TOMM7: variants seen among roughly 807,000 people sequenced by gnomAD.
TOMM7 encodes translocase of outer mitochondrial membrane 7, also known as mitochondrial import receptor subunit TOM7 homolog.
A neutral mutation model predicts 9.5 loss-of-function variants in TOMM7; 8 were observed. The observed-to-expected ratio is 0.84, with a 90% CI of 0.49 to 1.51. TOMM7 has a LOEUF of 1.51. Among genes scored for constraint, TOMM7 ranks in the 40% most tolerant of loss-of-function variants. The pLI is 0.00. For synonymous variants in TOMM7, 27 were observed against 21.4 expected (o/e 1.26, Z -0.72); for missense variants, 74 against 63.7 (o/e 1.16, Z -0.55).
rs752811909 is a variant in TOMM7 at position 22,817,411 on chromosome 7, C to CT, written c.152+588dup. 4.5e-3 allele frequency: 681 copies of CT among 151,442 alleles called. 1 individual carries two copies. Among genetic ancestry groups the CT allele is most frequent in the South Asian group, 0.016 (96 of 5,992 alleles). 9.4% of individuals were successfully genotyped at this position (151,442 alleles called of 1,614,324 possible). A position where few individuals can be genotyped will look rare whatever the true frequency, so the allele number is the denominator to read the frequency against. On this transcript the variant is annotated intron_variant, in intron 2 of 2. Transcript: ENST00000358435. Reference sequence around the variant, plus strand: ...TGTACACACAAATGTTAATTATTTACTTTTTTTTTTTTGGTAGAGATGGGT... The same window carrying CT: ...TGTACACACAAATGTTAATTATTTACTTTTTTTTTTTTTGGTAGAGATGGGT...
At chr7:22,820,057 C>T (rs1782367027) in intron 1 of TOMM7, among the ~76,000 whole-genome samples, 1 of 152,172 alleles carries the variant, frequency 6.6e-6, no homozygotes, top group Non-Finnish European at 1.5e-5. Context: ...AACCTGGAGC[C>T]AGGTGTGGTG....
intron 1 of TOMM7, chr7:22,822,107 AG>A: frequency 6.5e-7 from 1 of 1,545,786 alleles, no homozygotes; most frequent in Non-Finnish European, 8.7e-7. Flanking sequence ...CAGTCAGCAT[AG>A]CTGTGCGACC....
At chr7:22,814,133 G>A (rs973737700) in intron 2 of TOMM7, among the ~76,000 whole-genome samples, 3 of 145,542 alleles carry the variant, frequency 2.1e-5, no homozygotes, top group Admixed American at 6.9e-5. Flanking sequence ...CCACGAGTTC[G>A]AAACCAGCCT....
chr7:22,822,583 AT>A, intron 1 of TOMM7, 93 bp downstream of exon 1: 2 of 1,124,570 alleles, frequency 1.8e-6, no homozygotes, highest in Non-Finnish European at 2.7e-6. Context: ...AGTGTCCCCT[AT>A]TTTTCTCTCC....
intron 2 of TOMM7, 99 bp from the exon 3 acceptor site, chr7:22,813,284 T>C: frequency 2.9e-6 from 3 of 1,043,520 alleles, no homozygotes; most frequent in East Asian, 4.8e-5. Context: ...TTATGTTTGT[T>C]TCCTCATCTA....
intron 1 of TOMM7, chr7:22,822,028 C>A: frequency 8.6e-7 from 1 of 1,167,882 alleles, no homozygotes; most frequent in Non-Finnish European, 1.2e-6. Flanking sequence ...AACCCCAAAT[C>A]CTTTAAGTGC....
intron 1 of TOMM7, among the ~76,000 whole-genome samples, chr7:22,818,842 G>T (rs1782349593): frequency 1.3e-5 from 2 of 150,586 alleles, no homozygotes; most frequent in South Asian, 2.1e-4. Context: ...TGAACTCCTG[G>T]GCTCAAGTGA....
In TOMM7 at chr7:22,822,789, C is replaced by A; in HGVS notation, c.-10G>T. 1.2e-6 allele frequency: 2 copies of A among 1,612,902 alleles called. No individual in the cohort carries two copies. The highest frequency in any genetic ancestry group is 1.6e-4 in the Middle Eastern group (1 of 6,062). ...TGCTCAGCTTCACCATGGCGACGGC[C>A]GTGTGGCGCAGGGAGGACCCCTTAC... On this transcript the variant is annotated 5_prime_UTR_variant, in exon 1 of 3. Coordinates refer to ENST00000358435, the MANE Select transcript of TOMM7 (RefSeq NM_019059.5).
intron 1 of TOMM7, 118 bp downstream of exon 1, chr7:22,822,559 G>C: frequency 1.1e-6 from 1 of 906,588 alleles, no homozygotes; most frequent in South Asian, 1.5e-5. Flanking sequence ...ACAGCCTCAG[G>C]GGCCGTGCAC....
At chr7:22,819,084 A>T (rs567588438) in intron 1 of TOMM7, among the ~76,000 whole-genome samples, 60 of 152,336 alleles carry the variant, frequency 3.9e-4, no homozygotes, top group Admixed American at 7.2e-4. Context: ...TAATTAAATC[A>T]ACTCGTTACA....
intron 1 of TOMM7, chr7:22,822,075 C>G (rs759877328): frequency 2.0e-5 from 30 of 1,493,140 alleles, no homozygotes; most frequent in Admixed American, 1.1e-4. Flanking sequence ...TGATGCCCCA[C>G]TGCCTGAGCC....
At chr7:22,816,016 AATAT>A (rs1782312633) in intron 2 of TOMM7, among the ~76,000 whole-genome samples, 1 of 152,150 alleles carries the variant, frequency 6.6e-6, no homozygotes, top group African/African-American at 2.4e-5. Context: ...AAGGCATAAA[AATAT>A]ATATAGTTTA....
intron 2 of TOMM7, among the ~76,000 whole-genome samples, chr7:22,814,954 G>C (rs966088465): frequency 6.6e-6 from 1 of 152,176 alleles, no homozygotes; most frequent in African/African-American, 2.4e-5. Context: ...GTTCCTTTCA[G>C]AGTACAGATT....
intron 1 of TOMM7, among the ~76,000 whole-genome samples, chr7:22,819,408 G>A (rs1001058061): frequency 1.3e-5 from 2 of 150,432 alleles, no homozygotes; most frequent in African/African-American, 2.5e-5. Flanking sequence ...TCGCTCTGTC[G>A]CCAGGCTGGA....
At chr7:22,821,300 T>C (rs10224273) in intron 1 of TOMM7, among the ~76,000 whole-genome samples, 101,553 of 150,520 alleles carry the variant, frequency 0.67, 34,975 homozygotes, top group East Asian at 0.84. Context: ...GTCCCAGCTG[T>C]GCGGGAGGCT....
At chr7:22,822,255 C>T in intron 1 of TOMM7, 2 of 1,550,490 alleles carry the variant, frequency 1.3e-6, no homozygotes, top group Non-Finnish European at 1.7e-6. Flanking sequence ...GCTTTCATGG[C>T]AGTGGTACTT....
At position 22,822,822 on chromosome 7, in the gene TOMM7, A is replaced by C; in HGVS notation, c.-43T>G. On this transcript the variant is annotated 5_prime_UTR_variant, in exon 1 of 3. Coordinates refer to ENST00000358435, the MANE Select transcript of TOMM7 (RefSeq NM_019059.5). Reference sequence around the variant, plus strand: ...GCAGGGAGGACCCCTTACAGCAACCACAGCGTCGGGAATCCGAAAGGGAAA... The same window carrying C: ...GCAGGGAGGACCCCTTACAGCAACCCCAGCGTCGGGAATCCGAAAGGGAAA... 6.6e-7 allele frequency: 1 copy of C among 1,523,060 alleles called. No individual in the cohort carries two copies. The highest frequency in any genetic ancestry group is 9.1e-7 in the Non-Finnish European group (1 of 1,097,780). 94.3% of individuals were successfully genotyped at this position (1,523,060 alleles called of 1,614,324 possible).
rs1242022807 is a variant in TOMM7 at position 22,822,677 on chromosome 7, C to T, written c.103G>A (p.Gly35Arg). The T allele has an allele frequency of 8.7e-6, 14 of 1,612,698 alleles. No individual in the cohort carries two copies. The highest frequency in any genetic ancestry group is 1.1e-5 in the Non-Finnish European group (13 of 1,178,830). The change falls in exon 1 of 3, where the codon GGA (glycine) becomes AGA (arginine). Residue 35 changes from glycine to arginine, a missense_variant and splice_region_variant. Transcript: ENST00000358435. Reference protein sequence around the residue: ...WGFIPLVIYLGFKRGADPGMP... With the variant: ...WGFIPLVIYLRFKRGADPGMP... ...CTTTCCCGGTTCTTCTCCCACTGAC[C>T]CAGGTAAATCACAAGAGGGATAAAG...
rs144549465 is a variant in TOMM7 at position 22,816,402 on chromosome 7, G to C, written c.152+1598C>G. On this transcript the variant is annotated intron_variant, in intron 2 of 2. Coordinates refer to ENST00000358435, the MANE Select transcript of TOMM7 (RefSeq NM_019059.5). ...AAGGAAATAACTGGTCTAAGGCCAA[G>C]GCCACTCAACTAGTAGGCAGAAGAT... Among the ~76,000 whole-genome samples, 37 of 152,292 alleles carry C rather than the reference G, an allele frequency of 2.4e-4. 1 individual carries two copies. The South Asian group carries it at 2.9e-3, about 12-fold the overall frequency.
Sources: allele counts gnomAD v4.1 joint callset (sites outside exome capture counted in the v4.1 genomes callset), GRCh38; gene constraint gnomAD v4.1.1; transcripts MANE v1.5; gene names NCBI Gene and HGNC (gene_info 2026-07-23, HGNC 2026-07-21).